COL5A1: variants seen among roughly 807,000 people sequenced by gnomAD.
The protein encoded by COL5A1 is collagen alpha-1(V) chain.
COL5A1 carries 16 observed loss-of-function variants against 263.7 expected under a neutral mutation model. That is an observed-to-expected ratio of 0.06 (90% confidence interval 0.04 to 0.09). The LOEUF is 0.09. Among genes scored for constraint, COL5A1 ranks in the 10% least tolerant of loss-of-function variants. The pLI, the probability that COL5A1 is intolerant of heterozygous loss-of-function variation, is 1.00. For synonymous variants in COL5A1, 1,012 were observed against 1,004.5 expected (o/e 1.01, Z -0.14); for missense variants, 2,036 against 2,540.5 (o/e 0.80, Z 4.27).
intron 63 of COL5A1, among the ~76,000 whole-genome samples, chr9:134,826,673 A>C (rs569849470): frequency 4.6e-5 from 6 of 131,660 alleles, no homozygotes; most frequent in South Asian, 2.2e-4. Context: ...GGGTGTGTGT[A>C]TGGGTGGTGG....
chr9:134,703,790 A>G (rs1003306029), intron 4 of COL5A1, among the ~76,000 whole-genome samples: 56 of 151,534 alleles, frequency 3.7e-4, no homozygotes, highest in Non-Finnish European at 5.5e-4. Flanking sequence ...GGCGCCCGCC[A>G]CCACACCCAG....
chr9:134,767,391 G>A (rs748257280), intron 24 of COL5A1, 37 bp downstream of exon 24: 45 of 1,600,882 alleles, frequency 2.8e-5, no homozygotes, highest in African/African-American at 6.7e-5. Flanking sequence ...GCCACTGCCC[G>A]CCTGCAGGTG....
At position 134,686,235 on chromosome 9, in the gene COL5A1, C is replaced by T. The variant is rs1310135978; in HGVS notation, c.110-4677C>T. 2.0e-5 allele frequency among the ~76,000 whole-genome samples: 3 copies of T among 151,976 alleles called. No individual in the cohort carries two copies. Among genetic ancestry groups the T allele is most frequent in the Non-Finnish European group, 2.9e-5 (2 of 68,004 alleles). ...TTCTCCTTCTTCCTTCCTCCTTCTC[C>T]TTCTCCTTTTTCTTCTTCTTTCTCT... is the stretch of plus-strand genomic sequence containing the variant. On this transcript the variant is annotated intron_variant, in intron 1 of 65. Transcript: ENST00000371817. The surrounding 1 kb of genome is among the most constrained non-coding windows in gnomAD (Gnocchi z 4.6).
intron 37 of COL5A1, among the ~76,000 whole-genome samples, chr9:134,800,382 T>TA (rs1316994439): frequency 6.6e-6 from 1 of 152,148 alleles, no homozygotes; most frequent in African/African-American, 2.4e-5. Flanking sequence ...CAATGAACAT[T>TA]AGAAACGATC....
chr9:134,731,036 G>C lies in COL5A1; in HGVS notation c.1165-460G>C, dbSNP rs1834860236. On this transcript the variant is annotated intron_variant, in intron 7 of 65. Coordinates refer to ENST00000371817, the MANE Select transcript of COL5A1 (RefSeq NM_000093.5). ...ATGGCACTGACAGTTCCTGTCTCTG[G>C]GGGCTGTGAAGTTTTCAGATTCAGG... 5.9e-5 allele frequency among the ~76,000 whole-genome samples: 9 copies of C among 152,358 alleles called. No individual in the cohort carries two copies. The South Asian group carries it at 1.7e-3, about 28-fold the overall frequency.
rs1409711756 is a variant in COL5A1 at position 134,652,610 on chromosome 9, C to T, written c.109+10314C>T. 4 of 451,800 alleles carry T rather than the reference C, an allele frequency of 8.9e-6. No individual in the cohort carries two copies. Among genetic ancestry groups the T allele is most frequent in the Non-Finnish European group, 1.9e-5 (4 of 214,314 alleles). The allele number at this position is 451,800 out of a possible 1,614,324, so 28.0% of individuals were successfully genotyped here. A position where few individuals can be genotyped will look rare whatever the true frequency, so the allele number is the denominator to read the frequency against. ...TCCGAGGATGCTGCTCTGCACCCCACAGTGCACGGGACAGCCCCCACCAAA... is the reference window on the plus strand; with the variant it reads ...TCCGAGGATGCTGCTCTGCACCCCATAGTGCACGGGACAGCCCCCACCAAA... On this transcript the variant is annotated intron_variant, in intron 1 of 65. Coordinates refer to ENST00000371817, the MANE Select transcript of COL5A1 (RefSeq NM_000093.5). The surrounding 1 kb of genome is among the most constrained non-coding windows in gnomAD (Gnocchi z 4.4).
intron 1 of COL5A1, among the ~76,000 whole-genome samples, chr9:134,672,076 A>AATTG (rs1832554556): frequency 6.6e-6 from 1 of 152,234 alleles, no homozygotes; most frequent in Non-Finnish European, 1.5e-5. Context: ...GCCAGTTAAA[A>AATTG]ATTGCCCATT....
At chr9:134,798,144 CT>C (rs1239707476) in intron 36 of COL5A1, among the ~76,000 whole-genome samples, 1 of 152,212 alleles carries the variant, frequency 6.6e-6, no homozygotes, top group Non-Finnish European at 1.5e-5. Flanking sequence ...CCTCTTATGC[CT>C]CGGTTTCTCC....
In COL5A1 at chr9:134,835,214, C is replaced by T. The variant is rs758950305; in HGVS notation, c.5370+10C>T. 9 of 1,609,642 alleles carry T rather than the reference C, an allele frequency of 5.6e-6. No homozygotes were observed. The East Asian group carries it at 1.8e-4, about 32-fold the overall frequency. On this transcript the variant is annotated intron_variant, in intron 65 of 65. Transcript: ENST00000371817. ...GGTGGACGGCTGTGCTGTGAGTATC[C>T]CGCGCCGCGCCCAGCACCCCTGCTC...
intron 24 of COL5A1, among the ~76,000 whole-genome samples, chr9:134,768,046 G>A (rs1460543897): frequency 1.3e-5 from 2 of 152,234 alleles, no homozygotes; most frequent in Non-Finnish European, 2.9e-5. Context: ...GATGTGAACA[G>A]ACCAGGGAGG....
rs1031423062 is a variant in COL5A1 at position 134,710,172 on chromosome 9, G to A, written c.654+8839G>A. The stretch of plus-strand genomic sequence containing the variant: ...AGTGGGGATGTTAGGCTTGTGGTGC[G>A]GATGAAAGGAGGCAAAGCCGGTGCG... On this transcript the variant is annotated intron_variant, in intron 4 of 65. Transcript: ENST00000371817. Among the ~76,000 whole-genome samples the A allele has an allele frequency of 7.9e-5, 12 of 152,232 alleles. No homozygotes were observed. In the East Asian group the frequency reaches 1.7e-3, roughly 22 times the overall value.
chr9:134,814,477 G>T (rs1838662119), intron 49 of COL5A1, among the ~76,000 whole-genome samples: 1 of 152,200 alleles, frequency 6.6e-6, no homozygotes, highest in Admixed American at 6.5e-5. Flanking sequence ...CTCCCCATGA[G>T]ATCCGTGGAG....
intron 42 of COL5A1, among the ~76,000 whole-genome samples, chr9:134,807,822 G>T (rs1299730711): frequency 6.6e-6 from 1 of 152,230 alleles, no homozygotes; most frequent in East Asian, 1.9e-4. Flanking sequence ...AGCCAACTGG[G>T]CAGTCAGTGT....
At chr9:134,669,455 C>G (rs934101574) in intron 1 of COL5A1, among the ~76,000 whole-genome samples, 1 of 151,982 alleles carries the variant, frequency 6.6e-6, no homozygotes, top group Non-Finnish European at 1.5e-5. Context: ...GCTGCCTCCT[C>G]TACCATAGCG....
chr9:134,810,198 G>A (rs1838464221), intron 43 of COL5A1, 57 bp from the exon 44 acceptor site: 2 of 1,591,678 alleles, frequency 1.3e-6, no homozygotes, highest in African/African-American at 1.3e-5. Flanking sequence ...ACGGGGAACA[G>A]AAAAGGTCCA....
chr9:134,710,167 G>A (rs1833973334), intron 4 of COL5A1, among the ~76,000 whole-genome samples: 1 of 152,246 alleles, frequency 6.6e-6, no homozygotes, highest in Non-Finnish European at 1.5e-5. Flanking sequence ...TTAGGCTTGT[G>A]GTGCGGATGA....
chr9:134,822,106 G>A lies in COL5A1; in HGVS notation c.4564G>A (p.Gly1522Ser). ...SGPKGEQGITGPSGPIGPPGP... is the reference protein window; with the variant it reads ...SGPKGEQGITSPSGPIGPPGP... ...TTCTGGTCCTTTTCAGGGTATCACT[G>A]GTCCTTCTGGCCCGATTGGGCCTCC... The change falls in exon 59 of 66, where the codon GGT (glycine) becomes AGT (serine). Residue 1522 changes from glycine to serine, a missense_variant. By Grantham distance (56) the Gly-to-Ser change is moderately conservative (BLOSUM62 0). Transcript: ENST00000371817. 6.2e-7 allele frequency: 1 copy of A among 1,613,978 alleles called. No individual in the cohort carries two copies. Among genetic ancestry groups the A allele is most frequent in the Non-Finnish European group, 8.5e-7 (1 of 1,179,928 alleles).
At chr9:134,766,408 T>G (rs1316278484) in intron 21 of COL5A1, 46 bp from the exon 22 acceptor site, 1 of 1,598,840 alleles carries the variant, frequency 6.3e-7, no homozygotes, top group Non-Finnish European at 8.6e-7. Context: ...CACTGTGAGT[T>G]CTTTCGCATT....
At chr9:134,823,989 T>C (rs1839141798) in intron 61 of COL5A1, among the ~76,000 whole-genome samples, 1 of 151,678 alleles carries the variant, frequency 6.6e-6, no homozygotes, top group Non-Finnish European at 1.5e-5. Context: ...TGTATATGTG[T>C]ACATGCATGT....
Sources: gnomAD v4.1 joint callset for allele counts (sites outside exome capture counted in the v4.1 genomes callset) on GRCh38, gnomAD v4.1.1 for gene constraint, Gnocchi (gnomAD v3.1) non-coding constraint, MANE v1.5 for transcripts, NCBI Gene and HGNC (gene_info 2026-07-23, HGNC 2026-07-21) for gene names.